The following KCNIP1 variants were observed in gnomAD, a reference collection of about 807,000 sequenced individuals.
KCNIP1 encodes A-type potassium channel modulatory protein KCNIP1.
Under a neutral mutation model 33.0 loss-of-function variants are expected in KCNIP1, and 18 were observed. The observed-to-expected ratio is 0.55, with a 90% CI of 0.38 to 0.81. The LOEUF is 0.81. KCNIP1 is among the 30% of genes least tolerant of loss of function. KCNIP1 has a pLI of 0.00. For synonymous variants in KCNIP1, 93 were observed against 98.3 expected (o/e 0.95, Z 0.32); for missense variants, 238 against 271.6 (o/e 0.88, Z 0.87).
At chr5:170,593,942 C>T (rs1164622998) in intron 1 of KCNIP1, among the ~76,000 whole-genome samples, 2 of 152,240 alleles carry the variant, frequency 1.3e-5, no homozygotes, top group Admixed American at 1.3e-4. Flanking sequence ...TTGGAAAAGT[C>T]AGTGAACATT....
At chr5:170,359,396 A>T (rs994737337) in intron 1 of KCNIP1, among the ~76,000 whole-genome samples, 1 of 152,198 alleles carries the variant, frequency 6.6e-6, no homozygotes, top group Admixed American at 6.5e-5. Context: ...AGATATCATC[A>T]TCCCTCTACC....
rs116723538 is a variant in KCNIP1, at chr5:170,443,939, T to G, written c.88+89975T>G. 3.8e-3 allele frequency among the ~76,000 whole-genome samples: 573 copies of G among 152,318 alleles called. 3 individuals are homozygous for G. Among genetic ancestry groups the G allele is most frequent in the African/African-American group, 0.013 (552 of 41,562 alleles). ...GGTCTGCTTTCTCCACACTGCCAGG[T>G]TCTGGTGAGGACCTCCCAGGTGGGT... On this transcript the variant is annotated intron_variant, in intron 1 of 7. Coordinates refer to the KCNIP1 transcript ENST00000377360.
At chr5:170,644,915 C>T (rs1031193488) in intron 1 of KCNIP1, among the ~76,000 whole-genome samples, 9 of 152,224 alleles carry the variant, frequency 5.9e-5, no homozygotes, top group Non-Finnish European at 7.3e-5. Context: ...GTCAGGCATC[C>T]AACCTCTTCT....
At chr5:170,447,893 A>G (rs28740959) in intron 1 of KCNIP1, among the ~76,000 whole-genome samples, 101,795 of 150,976 alleles carry the variant, frequency 0.67, 34,849 homozygotes, top group African/African-American at 0.8. Context: ...TGCACATGTC[A>G]TTTCTCTCAC....
chr5:170,477,506 C>T (rs1214429056), intron 1 of KCNIP1, among the ~76,000 whole-genome samples: 4 of 152,004 alleles, frequency 2.6e-5, no homozygotes, highest in Non-Finnish European at 5.9e-5. Context: ...GCACAGTCTC[C>T]ACTCACTGCA....
intron 1 of KCNIP1, among the ~76,000 whole-genome samples, chr5:170,419,410 C>A (rs563172632): frequency 3.9e-5 from 6 of 152,160 alleles, no homozygotes; most frequent in Non-Finnish European, 7.3e-5. Context: ...GCCACCACTC[C>A]CCCAGTCTAG....
chr5:170,710,230 A>G (rs1763399660), intron 1 of KCNIP1, among the ~76,000 whole-genome samples: 1 of 152,170 alleles, frequency 6.6e-6, no homozygotes, highest in African/African-American at 2.4e-5. Context: ...CTTATCTACC[A>G]AGTCACTTAT....
chr5:170,461,749 CAAA>C (rs61705618), intron 1 of KCNIP1, among the ~76,000 whole-genome samples: 5 of 142,104 alleles, frequency 3.5e-5, no homozygotes, highest in Admixed American at 7.0e-5. Context: ...GACTCCATCT[CAAA>C]AAAAAAAAAA....
chr5:170,518,739 C>G (rs1431473737), intron 1 of KCNIP1, among the ~76,000 whole-genome samples: 1 of 152,170 alleles, frequency 6.6e-6, no homozygotes, highest in African/African-American at 2.4e-5. Context: ...TTGGCCTGGC[C>G]CTTGTACCCA....
intron 1 of KCNIP1, chr5:170,385,508 C>T: frequency 6.3e-7 from 1 of 1,592,614 alleles, no homozygotes; most frequent in Non-Finnish European, 8.6e-7. Context: ...GAGATCAGCC[C>T]AGTTCACAGG....
chr5:170,550,868 A>G (rs36091273), intron 1 of KCNIP1, among the ~76,000 whole-genome samples: 31,275 of 152,142 alleles, frequency 0.21, 4,404 homozygotes, highest in African/African-American at 0.4. Context: ...ACTCAATGCT[A>G]TGGCCAATTG....
intron 1 of KCNIP1, among the ~76,000 whole-genome samples, chr5:170,536,866 G>C (rs1437721622): frequency 2.0e-5 from 3 of 152,216 alleles, no homozygotes; most frequent in Admixed American, 2.0e-4. Context: ...CAGGAAAGGA[G>C]GGAGGCAGGA....
chr5:170,411,908 G>T (rs1482527063), intron 1 of KCNIP1, among the ~76,000 whole-genome samples: 2 of 152,304 alleles, frequency 1.3e-5, no homozygotes, highest in East Asian at 1.9e-4. Flanking sequence ...GTCAAGGAAG[G>T]CTCCCAGGGT....
intron 1 of KCNIP1, among the ~76,000 whole-genome samples, chr5:170,587,273 T>A (rs118109483): frequency 8.9e-6 from 1 of 112,896 alleles, no homozygotes; most frequent in Non-Finnish European, 1.9e-5. Context: ...ATAGAAAAAT[T>A]AGCCGGGTGT....
chr5:170,598,352 G>T (rs938522924), intron 1 of KCNIP1, among the ~76,000 whole-genome samples: 1 of 152,156 alleles, frequency 6.6e-6, no homozygotes, highest in Non-Finnish European at 1.5e-5. Context: ...GCAGGTCAGA[G>T]AGAAGGCACT....
chr5:170,538,650 A>C (rs190239789), intron 1 of KCNIP1, among the ~76,000 whole-genome samples: 1 of 151,918 alleles, frequency 6.6e-6, no homozygotes, highest in Admixed American at 6.5e-5. Context: ...CTGGGGATGC[A>C]TAATGAGACC....
intron 1 of KCNIP1, among the ~76,000 whole-genome samples, chr5:170,417,568 C>G (rs1436243521): frequency 6.6e-6 from 1 of 152,142 alleles, no homozygotes; most frequent in Non-Finnish European, 1.5e-5. Context: ...AGTCACTGCC[C>G]CTCCCAAGGC....
intron 1 of KCNIP1, among the ~76,000 whole-genome samples, chr5:170,486,656 C>T (rs182110358): frequency 6.6e-6 from 1 of 152,318 alleles, no homozygotes; most frequent in African/African-American, 2.4e-5. Flanking sequence ...GAGCCCCATA[C>T]CCTTCTCATA....
chr5:170,512,664 G>A (rs899576923), intron 1 of KCNIP1, among the ~76,000 whole-genome samples: 3 of 152,326 alleles, frequency 2.0e-5, no homozygotes, highest in East Asian at 3.9e-4. Flanking sequence ...CTCAGAATGC[G>A]CTAAAGGTAA....
Sources: allele counts gnomAD v4.1 joint callset (sites outside exome capture counted in the v4.1 genomes callset), GRCh38; gene constraint gnomAD v4.1.1; transcripts MANE v1.5; gene names NCBI Gene and HGNC (gene_info 2026-07-23, HGNC 2026-07-21).